The following EOGT variants were observed in gnomAD, a reference collection of about 807,000 sequenced individuals.
The protein encoded by EOGT is EGF domain-specific O-linked N-acetylglucosamine transferase.
EOGT carries 55 observed loss-of-function variants against 70.5 expected under a neutral mutation model. The ratio of observed to expected loss-of-function variants is 0.78; its 90% CI spans 0.63 to 0.98. The LOEUF is 0.98. EOGT is among the 50% of genes least tolerant of loss of function. The pLI, the probability that EOGT is intolerant of heterozygous loss-of-function variation, is 0.00. For missense variants in EOGT, 703 were observed against 641.9 expected (o/e 1.10, Z -1.03); for synonymous variants, 246 against 217.1 (o/e 1.13, Z -1.17).
At position 69,005,154 on chromosome 3, in the gene EOGT, C is replaced by G; in HGVS notation, c.501G>C (p.Lys167Asn). 6.3e-7 allele frequency: 1 copy of G among 1,576,268 alleles called. No homozygotes were observed. The highest frequency in any genetic ancestry group is 8.7e-7 in the Non-Finnish European group (1 of 1,147,756). ...TNLYLDLRNI[K>N]RNHDRFKEDF... ...CACTAAAGTACCTGTCATGATTTCTCTTGATGTTTCTTAAATCAAGATAGA... is the reference window on the plus strand; with the variant it reads ...CACTAAAGTACCTGTCATGATTTCTGTTGATGTTTCTTAAATCAAGATAGA... The change falls in exon 7 of 18, where the codon AAG (lysine) becomes AAC (asparagine). Residue 167 changes from lysine to asparagine, a missense_variant. By Grantham distance (94) the Lys-to-Asn change is moderately conservative (BLOSUM62 0). Transcript: ENST00000383701.
At position 68,988,531 on chromosome 3, in the gene EOGT, T is replaced by C; in HGVS notation, c.971A>G (p.Tyr324Cys). 2 of 1,533,830 alleles carry C rather than the reference T, an allele frequency of 1.3e-6. No individual in the cohort carries two copies. The highest frequency in any genetic ancestry group is 1.7e-6 in the Non-Finnish European group (2 of 1,145,570). ...CAGAGGAGTATTATAGAACAGCCCA[T>C]ACCTCATGCGGGGGAGTAATGAAAA... is the stretch of plus-strand genomic sequence containing the variant. The part of the protein sequence containing the change: ...AVFSLLPRMR[Y>C]GLFYNTPLIS... Residue 324 changes from tyrosine (Y) to cysteine (C), a missense_variant, in exon 12 of 18, where the codon TAT becomes TGT. Tyr to Cys is a radical substitution (Grantham distance 194). Coordinates refer to ENST00000383701, the MANE Select transcript of EOGT (RefSeq NM_001278689.2).
At chr3:68,987,903 C>G in intron 13 of EOGT, 1 of 334,702 alleles carries the variant, frequency 3.0e-6, no homozygotes, top group South Asian at 4.5e-5. Flanking sequence ...TCAGATGACT[C>G]CAGGTCAGAA....
intron 9 of EOGT, among the ~76,000 whole-genome samples, chr3:69,000,265 A>C (rs2091261768): frequency 6.6e-6 from 1 of 152,178 alleles, no homozygotes; most frequent in African/African-American, 2.4e-5. Flanking sequence ...CATAAATTAG[A>C]AGAAAAAAGT....
At chr3:68,992,472 G>C (rs892923066) in intron 10 of EOGT, among the ~76,000 whole-genome samples, 13 of 152,320 alleles carry the variant, frequency 8.5e-5, no homozygotes, top group African/African-American at 3.1e-4. Context: ...GAAGCATGAA[G>C]TGGGTTCCCA....
Position 69,008,672 on chromosome 3 carries a change from TAC to T in EOGT, c.211-146_211-145del, listed in dbSNP as rs915927840. 2.8e-4 allele frequency: 177 copies of T among 634,436 alleles called. 2 individuals are homozygous for T. The highest frequency in any genetic ancestry group is 2.6e-3 in the African/African-American group (143 of 54,254). The allele number at this position is 634,436 out of a possible 1,614,324, so 39.3% of individuals were successfully genotyped here. ...TTCTTATAACAATAAATTTAAAACT[TAC>T]AGTTAATTCTAAAAAGAGCAGTCTC... is the stretch of plus-strand genomic sequence containing the variant. On this transcript the variant is annotated intron_variant, in intron 4 of 17. Coordinates refer to ENST00000383701, the MANE Select transcript of EOGT (RefSeq NM_001278689.2).
At chr3:69,001,785 G>A (rs182471934) in intron 8 of EOGT, 71 bp from the exon 9 acceptor site, 65 of 1,062,632 alleles carry the variant, frequency 6.1e-5, no homozygotes, top group Non-Finnish European at 8.8e-5. Context: ...CTGTAACTTA[G>A]GATCTGTTCA....
At position 69,002,247 on chromosome 3, in the gene EOGT, C is replaced by G. The variant is rs2091316033; in HGVS notation, c.621-533G>C. 3.9e-5 allele frequency among the ~76,000 whole-genome samples: 6 copies of G among 152,174 alleles called. No individual in the cohort carries two copies. In the South Asian group the frequency reaches 1.2e-3, roughly 31 times the overall value. ...GAGATGGCTACAGCCCTGGCCAACT[C>G]AGCCAAGCTGCTCCCAAACCCTGAC... is the stretch of plus-strand genomic sequence containing the variant. On this transcript the variant is annotated intron_variant, in intron 8 of 17. Coordinates refer to ENST00000383701, the MANE Select transcript of EOGT (RefSeq NM_001278689.2).
intron 2 of EOGT, 135 bp downstream of exon 2, chr3:69,012,380 G>A (rs910212752): frequency 6.6e-6 from 1 of 152,216 alleles, no homozygotes; most frequent in Non-Finnish European, 1.5e-5. Context: ...AGAGTGGCGA[G>A]CCTGAGGGTT....
intron 3 of EOGT, 73 bp from the exon 4 acceptor site, chr3:69,009,933 C>CAACAACAAAA: frequency 3.9e-6 from 1 of 255,184 alleles, no homozygotes; most frequent in East Asian, 4.5e-5. Context: ...ACAACAACAA[C>CAACAACAAAA]AAAAAAAAAA....
chr3:69,001,068 C>G (rs935989009), intron 9 of EOGT, among the ~76,000 whole-genome samples: 12 of 151,826 alleles, frequency 7.9e-5, no homozygotes, highest in African/African-American at 2.4e-4. Context: ...GCGATTCCCC[C>G]GCTTCAACCT....
At chr3:68,990,348 CTTTTT>C (rs56046605) in intron 10 of EOGT, among the ~76,000 whole-genome samples, 6 of 107,880 alleles carry the variant, frequency 5.6e-5, no homozygotes, top group East Asian at 2.9e-4. Context: ...TTACCACATG[CTTTTT>C]TTTTTTTTTT....
chr3:69,012,352 T>C (rs977250470), intron 2 of EOGT, 163 bp downstream of exon 2: 3 of 152,266 alleles, frequency 2.0e-5, no homozygotes, highest in African/African-American at 7.2e-5. Flanking sequence ...ACTGGCTGAA[T>C]CACAGGGCTA....
At chr3:68,997,901 T>C in intron 10 of EOGT, 110 bp downstream of exon 10, 1 of 672,992 alleles carries the variant, frequency 1.5e-6, no homozygotes, top group Non-Finnish European at 2.6e-6. Flanking sequence ...TATGTGCGGC[T>C]GTACATGTTG....
chr3:68,983,029 T>C (rs1232922984), intron 14 of EOGT, among the ~76,000 whole-genome samples, 157 bp from the exon 15 acceptor site: 1 of 152,096 alleles, frequency 6.6e-6, no homozygotes, highest in Non-Finnish European at 1.5e-5. Flanking sequence ...TAAATAAATA[T>C]CATTCAGGTC....
rs369039205 is a variant in EOGT, at chr3:68,984,243, G to A, written c.1153-1371C>T. 2.8e-3 allele frequency among the ~76,000 whole-genome samples: 421 copies of A among 149,606 alleles called. 5 individuals are homozygous for A. The highest frequency in any genetic ancestry group is 9.8e-3 in the African/African-American group (395 of 40,116). Reference sequence around the variant, plus strand: ...CTCTCACACTCACACACACACACACGCACACAGTCATAACATGGAAATTTC... The same window carrying A: ...CTCTCACACTCACACACACACACACACACACAGTCATAACATGGAAATTTC... On this transcript the variant is annotated intron_variant, in intron 14 of 17. Transcript: ENST00000383701.
At chr3:68,988,855 T>C (rs1028295869) in intron 11 of EOGT, 70 bp downstream of exon 11, 6 of 809,648 alleles carry the variant, frequency 7.4e-6, no homozygotes, top group Non-Finnish European at 9.6e-6. Context: ...TCATAATAAA[T>C]GTTTATTTTA....
intron 3 of EOGT, among the ~76,000 whole-genome samples, chr3:69,011,217 T>TC: frequency 1.2e-5 from 1 of 84,200 alleles, no homozygotes; most frequent in Non-Finnish European, 2.7e-5. Context: ...AAGTGCTCTT[T>TC]CCACTGGATG....
chr3:68,998,555 T>A (rs115615830), intron 9 of EOGT, among the ~76,000 whole-genome samples: 2,700 of 152,252 alleles, frequency 0.018, 77 homozygotes, highest in African/African-American at 0.062. Context: ...TCAGTTGTTT[T>A]TTAAAGTCAA....
intron 10 of EOGT, among the ~76,000 whole-genome samples, chr3:68,989,861 A>G (rs1195366087): frequency 6.6e-6 from 1 of 151,724 alleles, no homozygotes; most frequent in Non-Finnish European, 1.5e-5. Context: ...GGATCACTTG[A>G]GCCTTGAAGT....
Sources: allele counts gnomAD v4.1 joint callset (sites outside exome capture counted in the v4.1 genomes callset), GRCh38; gene constraint gnomAD v4.1.1; transcripts MANE v1.5; gene names NCBI Gene and HGNC (gene_info 2026-07-23, HGNC 2026-07-21).